The following RSPO3 variants were observed in gnomAD, a reference collection of about 807,000 sequenced individuals.
RSPO3 encodes R-spondin-3.
In RSPO3, 17 loss-of-function variants were observed where a neutral mutation model predicts 36.5. The ratio of observed to expected loss-of-function variants is 0.47; its 90% CI spans 0.32 to 0.70. The LOEUF is 0.70. Among genes scored for constraint, RSPO3 ranks in the 30% least tolerant of loss-of-function variants. The pLI, the probability that RSPO3 is intolerant of heterozygous loss-of-function variation, is 0.04. For missense variants in RSPO3, 294 were observed against 322.5 expected (o/e 0.91, Z 0.68); for synonymous variants, 108 against 107.0 (o/e 1.01, Z -0.06).
intron 3 of RSPO3, 96 bp from the exon 4 acceptor site, chr6:127,155,145 G>A: frequency 8.5e-7 from 1 of 1,181,534 alleles, no homozygotes; most frequent in Non-Finnish European, 1.2e-6. Flanking sequence ...CTTCTCAAAT[G>A]TGGGCAAGTT....
At chr6:127,134,583 T>G (rs987605595) in intron 1 of RSPO3, among the ~76,000 whole-genome samples, 1 of 152,216 alleles carries the variant, frequency 6.6e-6, no homozygotes, top group African/African-American at 2.4e-5. Context: ...GATTCTTATG[T>G]AACTTTGTTG....
At chr6:127,120,902 G>A (rs988857590) in intron 1 of RSPO3, among the ~76,000 whole-genome samples, 1 of 152,240 alleles carries the variant, frequency 6.6e-6, no homozygotes, top group Non-Finnish European at 1.5e-5. Context: ...CGGCCCGGAC[G>A]CGGAAGGGGA....
At chr6:127,142,050 G>A (rs1196880311) in intron 1 of RSPO3, among the ~76,000 whole-genome samples, 1 of 151,972 alleles carries the variant, frequency 6.6e-6, no homozygotes, top group Admixed American at 6.6e-5. Context: ...TTCAAAAATG[G>A]CAGGGTCTGT....
chr6:127,152,339 T>C (rs1159624927), intron 3 of RSPO3, among the ~76,000 whole-genome samples: 2 of 152,070 alleles, frequency 1.3e-5, no homozygotes, highest in African/African-American at 4.8e-5. Context: ...ATAAGAGATG[T>C]CTCCCATCAT....
At chr6:127,121,515 T>G (rs746866404) in intron 1 of RSPO3, among the ~76,000 whole-genome samples, 5 of 152,204 alleles carry the variant, frequency 3.3e-5, no homozygotes, top group Non-Finnish European at 7.3e-5. Flanking sequence ...ATGCTCTTGC[T>G]CCTTCGCACT....
chr6:127,127,780 A>T lies in RSPO3; in HGVS notation c.97+8491A>T, dbSNP rs140371452. Reference sequence around the variant, plus strand: ...ATGGTGCATTTTCTAAATTCCACCCACTCTTTCTTTCTCTTACTCTCTCTT... The same window carrying T: ...ATGGTGCATTTTCTAAATTCCACCCTCTCTTTCTTTCTCTTACTCTCTCTT... On this transcript the variant is annotated intron_variant, in intron 1 of 4. Coordinates refer to ENST00000356698, the MANE Select transcript of RSPO3 (RefSeq NM_032784.5). Among the ~76,000 whole-genome samples the T allele has an allele frequency of 2.6e-3, 398 of 151,710 alleles. 1 individual carries two copies. The highest frequency in any genetic ancestry group is 4.6e-3 in the South Asian group (22 of 4,796).
In RSPO3 at chr6:127,199,188, G is replaced by A. The variant is rs568803853; in HGVS notation, c.*3181G>A. On this transcript the variant is annotated 3_prime_UTR_variant, in exon 5 of 5. Coordinates refer to ENST00000356698, the MANE Select transcript of RSPO3 (RefSeq NM_032784.5). Reference sequence around the variant, plus strand: ...GACCTTGGGCACATTGTATGATCTCGCAGAATATCATCCCAAATCTGCAAA... The same window carrying A: ...GACCTTGGGCACATTGTATGATCTCACAGAATATCATCCCAAATCTGCAAA... Among the ~76,000 whole-genome samples the A allele has an allele frequency of 2.3e-3, 355 of 152,186 alleles. No individual in the cohort carries two copies. The highest frequency in any genetic ancestry group is 4.0e-3 in the Non-Finnish European group (272 of 67,990).
At chr6:127,172,539 AG>A (rs1476032672) in intron 4 of RSPO3, among the ~76,000 whole-genome samples, 1 of 151,708 alleles carries the variant, frequency 6.6e-6, no homozygotes, top group Non-Finnish European at 1.5e-5. Flanking sequence ...ATGGTTTTCC[AG>A]GGGAATTACA....
Position 127,119,111 on chromosome 6 carries a change from C to A in RSPO3, c.-82C>A, listed in dbSNP as rs867763988. 9.0e-7 allele frequency: 1 copy of A among 1,106,648 alleles called. No homozygotes were observed. The highest frequency in any genetic ancestry group is 1.3e-6 in the Non-Finnish European group (1 of 741,674). The allele number at this position is 1,106,648 out of a possible 1,614,324, so 68.6% of individuals were successfully genotyped here. ...GGGCACTGTCTATATACGCCTAACA[C>A]CTACATATATTTTAAAAACATTAAA... is the stretch of plus-strand genomic sequence containing the variant. On this transcript the variant is annotated 5_prime_UTR_variant, in exon 1 of 5. Coordinates refer to ENST00000356698, the MANE Select transcript of RSPO3 (RefSeq NM_032784.5).
chr6:127,128,045 A>T (rs1354956123), intron 1 of RSPO3, among the ~76,000 whole-genome samples: 1 of 152,034 alleles, frequency 6.6e-6, no homozygotes, highest in Non-Finnish European at 1.5e-5. Context: ...TGTGATTGTT[A>T]TTTCCATCTA....
At chr6:127,181,718 A>G (rs917487459) in intron 4 of RSPO3, among the ~76,000 whole-genome samples, 2 of 151,876 alleles carry the variant, frequency 1.3e-5, no homozygotes, top group African/African-American at 4.8e-5. Context: ...AGCCAACCTT[A>G]CTTCTGCTTT....
intron 4 of RSPO3, among the ~76,000 whole-genome samples, chr6:127,163,517 A>G (rs1328438787): frequency 1.3e-5 from 2 of 152,118 alleles, no homozygotes; most frequent in African/African-American, 4.8e-5. Flanking sequence ...CAAAATGTAT[A>G]GAAATGAAAA....
At chr6:127,155,015 T>C (rs1774564069) in intron 3 of RSPO3, among the ~76,000 whole-genome samples, 1 of 152,078 alleles carries the variant, frequency 6.6e-6, no homozygotes. Context: ...AAAAAGGAAA[T>C]CCAATGCAAA....
In RSPO3 at chr6:127,167,332, C is replaced by T. The variant is rs556512103; in HGVS notation, c.634+11894C>T. Among the ~76,000 whole-genome samples the T allele has an allele frequency of 8.6e-5, 13 of 152,010 alleles. No homozygotes were observed. In the East Asian group the frequency reaches 1.7e-3, roughly 20 times the overall value. On this transcript the variant is annotated intron_variant, in intron 4 of 4. Coordinates refer to ENST00000356698, the MANE Select transcript of RSPO3 (RefSeq NM_032784.5). Reference sequence around the variant, plus strand: ...TGTTGTTTTCCCTCGTGTGTCCATGCGTTCTCATCGTTCAGCTCCCATTTG... The same window carrying T: ...TGTTGTTTTCCCTCGTGTGTCCATGTGTTCTCATCGTTCAGCTCCCATTTG...
intron 1 of RSPO3, among the ~76,000 whole-genome samples, chr6:127,122,310 T>G (rs1325537277): frequency 6.6e-6 from 1 of 152,220 alleles, no homozygotes; most frequent in Admixed American, 6.5e-5. Flanking sequence ...CAATAAATTT[T>G]TATCTATTTG....
chr6:127,169,194 T>C (rs879459815), intron 4 of RSPO3, among the ~76,000 whole-genome samples: 6 of 151,780 alleles, frequency 4.0e-5, no homozygotes, highest in Admixed American at 2.6e-4. Flanking sequence ...CTCCACAACC[T>C]CACCAGCATC....
intron 4 of RSPO3, among the ~76,000 whole-genome samples, chr6:127,183,171 A>G (rs1226653325): frequency 1.3e-5 from 2 of 151,970 alleles, no homozygotes; most frequent in Non-Finnish European, 2.9e-5. Flanking sequence ...TCAAATCACT[A>G]AAACTGTCCT....
chr6:127,148,928 T>C, intron 2 of RSPO3, 89 bp downstream of exon 2: 1 of 971,742 alleles, frequency 1.0e-6, no homozygotes, highest in Non-Finnish European at 1.5e-6. Context: ...TGATATTCAA[T>C]GTTAAGTAAA....
At position 127,197,178 on chromosome 6, in the gene RSPO3, T is replaced by C; in HGVS notation, c.*1171T>C. 2.4e-6 allele frequency: 1 copy of C among 419,442 alleles called. No individual in the cohort carries two copies. The highest frequency in any genetic ancestry group is 4.3e-6 in the Non-Finnish European group (1 of 235,282). The allele number at this position is 419,442 out of a possible 1,614,324, so 26.0% of individuals were successfully genotyped here. On this transcript the variant is annotated 3_prime_UTR_variant, in exon 5 of 5. Transcript: ENST00000356698. ...CAGAATATATTACATTTCTCAGTAA[T>C]ATTTGTTTTTTGAATCCACCTTTAT...
Sources: gnomAD v4.1 joint callset for allele counts (sites outside exome capture counted in the v4.1 genomes callset) on GRCh38, gnomAD v4.1.1 for gene constraint, MANE v1.5 for transcripts, NCBI Gene and HGNC (gene_info 2026-07-23, HGNC 2026-07-21) for gene names.